Variants in NECAB2 observed in about 807,000 individuals in gnomAD.
NECAB2 encodes the protein N-terminal EF-hand calcium-binding protein 2.
Under a neutral mutation model 51.9 loss-of-function variants are expected in NECAB2, and 68 were observed. That is an observed-to-expected ratio of 1.31 (90% confidence interval 1.08 to 1.60). The LOEUF is 1.60. NECAB2 is among the 40% of genes most tolerant of loss of function. NECAB2 has a pLI of 0.00. For missense variants in NECAB2, 854 were observed against 490.3 expected, an observed-to-expected ratio of 1.74 and a Z score of -7.00; for synonymous variants, 329 against 203.5, an observed-to-expected ratio of 1.62 and a Z score of -5.25.
chr16:83,966,551 G>A (rs953299629), upstream of NECAB2, among the ~76,000 whole-genome samples: 16 of 152,090 alleles, frequency 1.1e-4, no homozygotes, highest in East Asian at 3.9e-4. Context: ...TGGGAGTGGC[G>A]GGTGTGTGCA....
Position 83,988,699 on chromosome 16 carries a change from A to T in NECAB2, c.460-1795A>T, listed in dbSNP as rs139931597. Among the ~76,000 whole-genome samples the T allele has an allele frequency of 2.6e-3, 390 of 152,276 alleles. 2 individuals are homozygous for T. Among genetic ancestry groups the T allele is most frequent in the Middle Eastern group, 0.014 (4 of 294 alleles). ...GGTGCTCATCTGGTAAAATTTCAGA[A>T]ATTTGCAGGTTTCTGGAGATCTCCC... On this transcript the variant is annotated intron_variant, in intron 5 of 12. Transcript: ENST00000305202.
rs912107616 is a variant in NECAB2, at chr16:83,990,757, C to G, written c.596+127C>G. Reference sequence around the variant, plus strand: ...TGACCTTGGGCAAGTTGCCACAGCTCTTTGTGCCTTTGGTGCTCCATTATG... The same window carrying G: ...TGACCTTGGGCAAGTTGCCACAGCTGTTTGTGCCTTTGGTGCTCCATTATG... On this transcript the variant is annotated intron_variant, in intron 6 of 12. Coordinates refer to ENST00000305202, the MANE Select transcript of NECAB2 (RefSeq NM_019065.3). The G allele has an allele frequency of 6.5e-6, 8 of 1,225,600 alleles. No homozygotes were observed. The African/African-American group carries it at 1.2e-4, about 19-fold the overall frequency. 75.9% of individuals were successfully genotyped at this position (1,225,600 alleles called of 1,614,324 possible).
At chr16:83,995,950 G>A (rs566495564) in intron 8 of NECAB2, among the ~76,000 whole-genome samples, 3 of 152,302 alleles carry the variant, frequency 2.0e-5, no homozygotes, top group South Asian at 2.1e-4. Flanking sequence ...GAGCACCGTC[G>A]CCCTAACAAC....
upstream of NECAB2, chr16:83,965,331 C>A: frequency 1.3e-6 from 2 of 1,574,624 alleles, no homozygotes. Flanking sequence ...GACAGCCCGG[C>A]CCGGCTGGGC....
rs1457759055 is a variant in NECAB2, at chr16:84,001,933, T to C, written c.1132+17T>C. The C allele has an allele frequency of 8.1e-6, 13 of 1,611,996 alleles. No homozygotes were observed. The highest frequency in any genetic ancestry group is 1.1e-5 in the Non-Finnish European group (13 of 1,178,748). On this transcript the variant is annotated intron_variant, in intron 12 of 12. Transcript: ENST00000305202. ...TGGTGCCAGGTAGGGGGCAAAGGCC[T>C]GGAACTGCAGTGGCCACCTGACTGG... is the stretch of plus-strand genomic sequence containing the variant.
chr16:83,999,462 C>G (rs992001511), intron 10 of NECAB2, among the ~76,000 whole-genome samples: 1 of 152,152 alleles, frequency 6.6e-6, no homozygotes, highest in Non-Finnish European at 1.5e-5. Flanking sequence ...GCCTGGAGAG[C>G]CAGGTGAGAT....
At position 83,980,973 on chromosome 16, in the gene NECAB2, G is replaced by A. The variant is rs2084479847; in HGVS notation, c.362-57G>A. 3.1e-6 allele frequency: 5 copies of A among 1,605,120 alleles called. No homozygotes were observed. The Admixed American group carries it at 6.7e-5, about 21-fold the overall frequency. ...GGTAGCGCAGGTGGGAGGTGCAGGA[G>A]TGCTGAGTGGGAGGGGCAGGACCTG... On this transcript the variant is annotated intron_variant, in intron 4 of 12. Coordinates refer to ENST00000305202, the MANE Select transcript of NECAB2 (RefSeq NM_019065.3).
rs60282493 is a variant in NECAB2, at chr16:83,993,862, G to C, written c.597-440G>C. On this transcript the variant is annotated intron_variant, in intron 6 of 12. Transcript: ENST00000305202. Reference sequence around the variant, plus strand: ...CGCTTTTATGTGTATGTGTTGGAGGGGGGTCTTGAAACCAGGTCCCCCACC... The same window carrying C: ...CGCTTTTATGTGTATGTGTTGGAGGCGGGTCTTGAAACCAGGTCCCCCACC... Among the ~76,000 whole-genome samples the C allele has an allele frequency of 8.9e-4, 136 of 152,178 alleles. 2 individuals are homozygous for C. Among genetic ancestry groups the C allele is most frequent in the African/African-American group, 3.0e-3 (126 of 41,520 alleles).
At chr16:83,984,048 T>G (rs1386553684) in intron 5 of NECAB2, among the ~76,000 whole-genome samples, 1 of 148,134 alleles carries the variant, frequency 6.8e-6, no homozygotes, top group Non-Finnish European at 1.5e-5. Flanking sequence ...CAGGCTGGAG[T>G]GCAGTGGCAC....
Position 83,978,512 on chromosome 16 carries a change from C to G in NECAB2, c.295C>G (p.Leu99Val), listed in dbSNP as rs746374360. 6.2e-7 allele frequency: 1 copy of G among 1,613,886 alleles called. No homozygotes were observed. Among genetic ancestry groups the G allele is most frequent in the South Asian group, 1.1e-5 (1 of 91,054 alleles). Residue 99 changes from leucine to valine, a missense_variant, in exon 3 of 13, where the codon CTG becomes GTG. Transcript: ENST00000305202. Reference sequence around the variant, plus strand: ...AGATGGCGTCCTTAATGAGAAAGAACTGGAGGATCTCTTTCACACGATTGA... The same window carrying G: ...AGATGGCGTCCTTAATGAGAAAGAAGTGGAGGATCTCTTTCACACGATTGA... Reference protein sequence around the residue: ...FADGVLNEKELEDLFHTIDSD... With the variant: ...FADGVLNEKEVEDLFHTIDSD...
chr16:83,976,955 G>A (rs77072905), intron 2 of NECAB2, among the ~76,000 whole-genome samples: 1,825 of 152,346 alleles, frequency 0.012, 19 homozygotes, highest in South Asian at 0.025. Context: ...ACCCAAGTAC[G>A]TCTGCCATGT....
intron 6 of NECAB2, among the ~76,000 whole-genome samples, chr16:83,991,892 C>T (rs551597243): frequency 6.6e-6 from 1 of 150,524 alleles, no homozygotes; most frequent in South Asian, 2.1e-4. Flanking sequence ...CTGGTCTCAG[C>T]AATCCTGCTG....
chr16:83,998,351 G>A lies in NECAB2; in HGVS notation c.962+34G>A, dbSNP rs747518923. The stretch of plus-strand genomic sequence containing the variant: ...GCTGCCGAGGCGTGGGTGGGATGGT[G>A]GCAGGGAGCTCTGCCTGGCAGTGGA... On this transcript the variant is annotated intron_variant, in intron 10 of 12. Coordinates refer to ENST00000305202, the MANE Select transcript of NECAB2 (RefSeq NM_019065.3). 4 of 1,599,240 alleles carry A rather than the reference G, an allele frequency of 2.5e-6. No individual in the cohort carries two copies. The South Asian group carries it at 3.3e-5, about 13-fold the overall frequency.
At chr16:83,981,443 T>C (rs1346917164) in intron 5 of NECAB2, among the ~76,000 whole-genome samples, 5 of 65,878 alleles carry the variant, frequency 7.6e-5, no homozygotes, top group Non-Finnish European at 1.4e-4. Context: ...CCCTTCAGGG[T>C]GGGCTTACAA....
chr16:83,969,621 C>A (rs1236081492), intron 1 of NECAB2, among the ~76,000 whole-genome samples: 1 of 152,126 alleles, frequency 6.6e-6, no homozygotes, highest in Non-Finnish European at 1.5e-5. Flanking sequence ...GGGAAGCCCA[C>A]CTCACCCTCC....
At chr16:83,997,544 G>C (rs1385647040) in intron 9 of NECAB2, among the ~76,000 whole-genome samples, 3 of 136,502 alleles carry the variant, frequency 2.2e-5, no homozygotes, top group African/African-American at 8.4e-5. Flanking sequence ...CTGGAGTGCA[G>C]TGGTGGGATG....
intron 6 of NECAB2, among the ~76,000 whole-genome samples, chr16:83,991,809 C>T (rs967183641): frequency 4.0e-4 from 60 of 150,126 alleles, no homozygotes; most frequent in Non-Finnish European, 5.9e-5. Flanking sequence ...CCCACCCACA[C>T]CCAGCTATTT....
At chr16:83,984,994 G>T (rs573979048) in intron 5 of NECAB2, among the ~76,000 whole-genome samples, 2 of 151,908 alleles carry the variant, frequency 1.3e-5, no homozygotes, top group South Asian at 4.1e-4. Flanking sequence ...TGGTTTTTTT[G>T]ATAATGTTGA....
At position 83,981,143 on chromosome 16, in the gene NECAB2, T is replaced by A; in HGVS notation, c.459+16T>A. 6.4e-7 allele frequency: 1 copy of A among 1,563,762 alleles called. No individual in the cohort carries two copies. Among genetic ancestry groups the A allele is most frequent in the Non-Finnish European group, 8.7e-7 (1 of 1,151,972 alleles). On this transcript the variant is annotated intron_variant, in intron 5 of 12. Coordinates refer to ENST00000305202, the MANE Select transcript of NECAB2 (RefSeq NM_019065.3). ...TACCAAGAAGGTCAGTGGGTGTAGG[T>A]GGCCCCCGGGGTCCAGGGCTCCAGT... is the stretch of plus-strand genomic sequence containing the variant.
Sources: allele counts gnomAD v4.1 joint callset (sites outside exome capture counted in the v4.1 genomes callset), GRCh38; gene constraint gnomAD v4.1.1; transcripts MANE v1.5; gene names NCBI Gene and HGNC (gene_info 2026-07-23, HGNC 2026-07-21).